Variants in MLKL observed in about 807,000 individuals in gnomAD.
The protein encoded by MLKL is mixed lineage kinase domain-like protein.
MLKL carries 55 observed loss-of-function variants against 56.5 expected under a neutral mutation model. That is an observed-to-expected ratio of 0.97 (90% CI 0.78 to 1.22). MLKL has a LOEUF of 1.22. MLKL is among the 50% of genes most tolerant of loss of function. The pLI, the probability that MLKL is intolerant of heterozygous loss-of-function variation, is 0.00. For missense variants in MLKL, 694 were observed against 573.9 expected (o/e 1.21, Z -2.14); for synonymous variants, 251 against 208.3 (o/e 1.20, Z -1.76).
chr16:74,675,576 C>T, intron 8 of MLKL, 37 bp downstream of exon 8: 1 of 1,599,866 alleles, frequency 6.3e-7, no homozygotes, highest in Admixed American at 1.7e-5. Context: ...CTATTATGCA[C>T]ATCTGAGTTA....
chr16:74,693,469 G>GAAAGAA (rs1555534196), intron 2 of MLKL, among the ~76,000 whole-genome samples: 2,000 of 107,342 alleles, frequency 0.019, 35 homozygotes, highest in South Asian at 0.028. Context: ...AAAAAAAAAA[G>GAAAGAA]AAAAGAAAAA....
intron 6 of MLKL, among the ~76,000 whole-genome samples, chr16:74,680,575 C>T (rs1323234700): frequency 1.3e-5 from 2 of 152,080 alleles, no homozygotes; most frequent in African/African-American, 4.8e-5. Context: ...GGCACAATCT[C>T]AGCTCACTGC....
intron 2 of MLKL, 39 bp from the exon 3 acceptor site, chr16:74,692,455 T>A (rs1035099989): frequency 6.6e-7 from 1 of 1,521,832 alleles, no homozygotes; most frequent in Admixed American, 1.9e-5. Context: ...AAAATAGATA[T>A]TAAAATCACA....
chr16:74,700,550 G>A lies in MLKL; in HGVS notation c.-100C>T, dbSNP rs942948582. On this transcript the variant is annotated 5_prime_UTR_variant, in exon 1 of 11. Coordinates refer to ENST00000308807, the MANE Select transcript of MLKL (RefSeq NM_152649.4). ...CTTTCCCACGACCGCCTCCTGCCCAGGCGAGAAGTTTGCAAACGCGAGGCC... is the reference window on the plus strand; with the variant it reads ...CTTTCCCACGACCGCCTCCTGCCCAAGCGAGAAGTTTGCAAACGCGAGGCC... 4 of 153,574 alleles carry A rather than the reference G, an allele frequency of 2.6e-5. No homozygotes were observed. Among genetic ancestry groups the A allele is most frequent in the African/African-American group, 9.6e-5 (4 of 41,490 alleles). 9.5% of individuals were successfully genotyped at this position (153,574 alleles called of 1,614,324 possible). A position where few individuals can be genotyped will look rare whatever the true frequency, so the allele number is the denominator to read the frequency against.
chr16:74,693,403 G>A (rs1037006132), intron 2 of MLKL, among the ~76,000 whole-genome samples: 1 of 143,222 alleles, frequency 7.0e-6, no homozygotes, highest in South Asian at 2.2e-4. Flanking sequence ...AGGAAGCAGA[G>A]GTTGCAGTGA....
At chr16:74,679,209 G>A (rs1298716145) in intron 6 of MLKL, among the ~76,000 whole-genome samples, 1 of 152,200 alleles carries the variant, frequency 6.6e-6, no homozygotes, top group Non-Finnish European at 1.5e-5. Context: ...TGAAGTGCAT[G>A]CAATCGGGCA....
intron 4 of MLKL, among the ~76,000 whole-genome samples, chr16:74,690,806 A>T (rs1960622516): frequency 6.6e-6 from 1 of 150,568 alleles, no homozygotes; most frequent in East Asian, 1.9e-4. Flanking sequence ...AAAAAAAAAA[A>T]AAAAGGCAAA....
rs116934967 is a variant in MLKL at position 74,674,133 on chromosome 16, G to A, written c.1381+827C>T. 2.9e-4 allele frequency among the ~76,000 whole-genome samples: 44 copies of A among 150,824 alleles called. No individual in the cohort carries two copies. The East Asian group carries it at 5.9e-3, about 20-fold the overall frequency. ...CTTTGTGTGGTGGGCTGTCCTATGC[G>A]TTGTAGGATGTTGAATAGCATTCTT... On this transcript the variant is annotated intron_variant, in intron 10 of 10. Transcript: ENST00000308807.
At chr16:74,689,448 T>C (rs544813429) in intron 4 of MLKL, among the ~76,000 whole-genome samples, 71 of 152,308 alleles carry the variant, frequency 4.7e-4, no homozygotes, top group African/African-American at 1.7e-3. Context: ...AAATTGTACA[T>C]TTTAAATAGG....
At chr16:74,692,141 G>C (rs772439639) in intron 3 of MLKL, among the ~76,000 whole-genome samples, 1 of 152,306 alleles carries the variant, frequency 6.6e-6, no homozygotes, top group Middle Eastern at 3.4e-3. Context: ...TATCTTACTG[G>C]TCAAGAAGCT....
intron 4 of MLKL, among the ~76,000 whole-genome samples, chr16:74,688,091 TA>T (rs773738287): frequency 2.3e-4 from 35 of 152,180 alleles, no homozygotes; most frequent in Non-Finnish European, 4.0e-4. Context: ...CCCAAAGTGC[TA>T]GGATTACAGT....
intron 2 of MLKL, among the ~76,000 whole-genome samples, chr16:74,694,881 TTTG>T (rs1960927943): frequency 1.3e-5 from 2 of 152,094 alleles, no homozygotes; most frequent in South Asian, 2.1e-4. Flanking sequence ...TGTTTGTTTG[TTTG>T]TTTTCTGAGG....
intron 4 of MLKL, among the ~76,000 whole-genome samples, chr16:74,687,864 CAAG>C (rs1567611823): frequency 6.6e-6 from 1 of 151,214 alleles, no homozygotes; most frequent in Non-Finnish European, 1.5e-5. Context: ...CTTGCTCTGT[CAAG>C]CAGGCTGGAG....
intron 5 of MLKL, among the ~76,000 whole-genome samples, chr16:74,683,368 G>A (rs1960112445): frequency 6.6e-6 from 1 of 150,984 alleles, no homozygotes; most frequent in Admixed American, 6.6e-5. Flanking sequence ...GGCTGAGGCT[G>A]GTGGATCACT....
At chr16:74,676,580 A>T in intron 7 of MLKL, 1 of 572,562 alleles carries the variant, frequency 1.7e-6, no homozygotes, top group Non-Finnish European at 2.2e-6. Flanking sequence ...GGAATAGCGC[A>T]TCTTATAGTC....
intron 7 of MLKL, 83 bp from the exon 8 acceptor site, chr16:74,675,847 T>G: frequency 7.2e-7 from 1 of 1,397,468 alleles, no homozygotes; most frequent in Non-Finnish European, 9.9e-7. Context: ...TACACACAAT[T>G]GCCAGGGAAT....
chr16:74,672,452 G>T lies in MLKL; in HGVS notation c.*52C>A. 1.3e-6 allele frequency: 2 copies of T among 1,535,616 alleles called. No individual in the cohort carries two copies. Among genetic ancestry groups the T allele is most frequent in the South Asian group, 1.1e-5 (1 of 89,270 alleles). On this transcript the variant is annotated 3_prime_UTR_variant, in exon 11 of 11. Coordinates refer to ENST00000308807, the MANE Select transcript of MLKL (RefSeq NM_152649.4). ...TATGAGAGAGAGAGATGTCCAGTTTGTGCCTCTCCCAGCTTCTTGTCCAGA... is the reference window on the plus strand; with the variant it reads ...TATGAGAGAGAGAGATGTCCAGTTTTTGCCTCTCCCAGCTTCTTGTCCAGA...
intron 5 of MLKL, among the ~76,000 whole-genome samples, chr16:74,683,497 G>A (rs1960122248): frequency 6.6e-6 from 1 of 150,742 alleles, no homozygotes; most frequent in African/African-American, 2.4e-5. Context: ...TAGGGAGGCT[G>A]AGGCAGGAGA....
intron 2 of MLKL, among the ~76,000 whole-genome samples, chr16:74,693,262 C>T (rs1007460344): frequency 2.6e-5 from 4 of 151,790 alleles, no homozygotes; most frequent in Non-Finnish European, 5.9e-5. Context: ...TGAGACCAGC[C>T]TGGCCAAACT....
Sources: gnomAD v4.1 joint callset for allele counts (sites outside exome capture counted in the v4.1 genomes callset) on GRCh38, gnomAD v4.1.1 for gene constraint, MANE v1.5 for transcripts, NCBI Gene and HGNC (gene_info 2026-07-23, HGNC 2026-07-21) for gene names.